Variants in PDCD1LG2 observed in about 807,000 individuals in gnomAD.
PDCD1LG2 encodes B7 dendritic cell molecule.
In PDCD1LG2, 32 loss-of-function variants were observed where a neutral mutation model predicts 28.2. That is an observed-to-expected ratio of 1.13 (90% CI 0.86 to 1.52). PDCD1LG2 has a LOEUF of 1.52. Ranked by LOEUF, PDCD1LG2 falls within the 40% of genes most tolerant of loss-of-function variation. The pLI is 0.00. For missense variants in PDCD1LG2, 385 were observed against 323.8 expected (o/e 1.19, Z -1.45); for synonymous variants, 116 against 120.2 (o/e 0.97, Z 0.23).
intron 2 of PDCD1LG2, among the ~76,000 whole-genome samples, chr9:5,525,927 A>G (rs908516382): frequency 2.0e-5 from 3 of 151,946 alleles, no homozygotes; most frequent in Admixed American, 6.6e-5. Context: ...CAAGCCTGTA[A>G]TCCCAGCTAC....
intron 4 of PDCD1LG2, 64 bp from the exon 5 acceptor site, chr9:5,557,554 C>G (rs2129919538): frequency 6.3e-7 from 1 of 1,577,194 alleles, no homozygotes; most frequent in African/African-American, 1.3e-5. Context: ...ACTCATGTGG[C>G]CAGCCTGTTG....
intron 1 of PDCD1LG2, among the ~76,000 whole-genome samples, chr9:5,516,287 G>A (rs1449202425): frequency 6.6e-6 from 1 of 152,174 alleles, no homozygotes; most frequent in East Asian, 1.9e-4. Flanking sequence ...TCCTGACCTC[G>A]TGATTTTCCT....
intron 1 of PDCD1LG2, among the ~76,000 whole-genome samples, chr9:5,512,017 C>A (rs1054327574): frequency 6.6e-6 from 1 of 152,046 alleles, no homozygotes; most frequent in Non-Finnish European, 1.5e-5. Flanking sequence ...ATGAAATGTT[C>A]GTGTAATGGA....
At chr9:5,559,180 C>T (rs973589774) in intron 5 of PDCD1LG2, among the ~76,000 whole-genome samples, 1 of 152,210 alleles carries the variant, frequency 6.6e-6, no homozygotes, top group African/African-American at 2.4e-5. Context: ...TCACCCCAAT[C>T]TTAAGAGTGA....
Position 5,570,152 on chromosome 9 carries a change from T to C in PDCD1LG2, c.*193T>C, listed in dbSNP as rs1816743731. On this transcript the variant is annotated 3_prime_UTR_variant, in exon 7 of 7. Coordinates refer to ENST00000397747, the MANE Select transcript of PDCD1LG2 (RefSeq NM_025239.4). The stretch of plus-strand genomic sequence containing the variant: ...GCCATGAAACTTGCCCCTTCACTGA[T>C]CTGGACTCACCTCTGGAGCCTATGG... 1 of 705,964 alleles carries C rather than the reference T, an allele frequency of 1.4e-6. No homozygotes were observed. Among genetic ancestry groups the C allele is most frequent in the African/African-American group, 1.8e-5 (1 of 56,570 alleles). 43.7% of individuals were successfully genotyped at this position (705,964 alleles called of 1,614,324 possible). A position where few individuals can be genotyped will look rare whatever the true frequency, so the allele number is the denominator to read the frequency against.
chr9:5,520,785 T>C (rs191889326), intron 1 of PDCD1LG2, among the ~76,000 whole-genome samples: 37 of 152,324 alleles, frequency 2.4e-4, no homozygotes, highest in East Asian at 1.9e-4. Flanking sequence ...TTCCAAATCA[T>C]ATATTTGATA....
intron 1 of PDCD1LG2, among the ~76,000 whole-genome samples, chr9:5,517,515 T>C (rs578076858): frequency 4.1e-4 from 63 of 152,354 alleles, no homozygotes; most frequent in Middle Eastern, 3.4e-3. Context: ...AGGGGCCTCT[T>C]GTCTTGGCTG....
chr9:5,548,232 A>T (rs765185127), intron 3 of PDCD1LG2, among the ~76,000 whole-genome samples: 3 of 152,326 alleles, frequency 2.0e-5, no homozygotes, highest in Non-Finnish European at 4.4e-5. Context: ...AGATTTCACA[A>T]ATAAATGAGA....
intron 1 of PDCD1LG2, among the ~76,000 whole-genome samples, chr9:5,514,392 A>G (rs1392520740): frequency 1.3e-5 from 2 of 152,226 alleles, no homozygotes; most frequent in African/African-American, 4.8e-5. Flanking sequence ...AACTAGGCCT[A>G]TAGCAACCAA....
In PDCD1LG2 at chr9:5,534,769, A is replaced by G. The variant is rs777689711; in HGVS notation, c.80A>G (p.Lys27Arg). ...GCTTTATTCACAGTGACAGTCCCTA[A>G]GGAACTGTACATAATAGAGCATGGC... is the stretch of plus-strand genomic sequence containing the variant. ...IAALFTVTVPKELYIIEHGSN... is the reference protein window; with the variant it reads ...IAALFTVTVPRELYIIEHGSN... Residue 27 changes from lysine to arginine, a missense_variant, in exon 3 of 7, where the codon AAG becomes AGG. By Grantham distance (26) the Lys-to-Arg change is conservative. Transcript: ENST00000397747. 45 of 1,611,046 alleles carry G rather than the reference A, an allele frequency of 2.8e-5. No individual in the cohort carries two copies. The highest frequency in any genetic ancestry group is 3.7e-5 in the Non-Finnish European group (43 of 1,177,754).
At chr9:5,561,238 T>C (rs191480393) in intron 5 of PDCD1LG2, among the ~76,000 whole-genome samples, 4 of 152,368 alleles carry the variant, frequency 2.6e-5, no homozygotes, top group Admixed American at 2.0e-4. Flanking sequence ...AATAGCCATG[T>C]ACAGATAATT....
intron 2 of PDCD1LG2, 59 bp downstream of exon 2, chr9:5,522,660 A>G (rs1227350362): frequency 6.5e-7 from 1 of 1,526,864 alleles, no homozygotes; most frequent in East Asian, 2.3e-5. Context: ...TTCCTAGCCA[A>G]AGCCAAAAAT....
In PDCD1LG2 at chr9:5,522,610, G is replaced by A. The variant is rs2129726789; in HGVS notation, c.55+9G>A. On this transcript the variant is annotated intron_variant, in intron 2 of 6. Transcript: ENST00000397747. ...GCTTCACCAGATAGCAGGTAAGAAAGGACAAAGGGAGAGGCTTAAGAAAGA... is the reference window on the plus strand; with the variant it reads ...GCTTCACCAGATAGCAGGTAAGAAAAGACAAAGGGAGAGGCTTAAGAAAGA... The A allele has an allele frequency of 6.2e-7, 1 of 1,612,646 alleles. No homozygotes were observed. The highest frequency in any genetic ancestry group is 8.5e-7 in the Non-Finnish European group (1 of 1,178,898).
chr9:5,552,175 G>A (rs989029867), intron 4 of PDCD1LG2, among the ~76,000 whole-genome samples: 2 of 152,102 alleles, frequency 1.3e-5, no homozygotes, highest in Non-Finnish European at 2.9e-5. Flanking sequence ...GTGAATCAGC[G>A]GACCCCTGAG....
rs577947677 is a variant in PDCD1LG2 at position 5,528,578 on chromosome 9, T to C, written c.55+5977T>C. ...CCTCAGCCTCCCAAAATGCTGGGAT[T>C]ACAGGCATAAGCCACTGCACCTGGC... is the stretch of plus-strand genomic sequence containing the variant. On this transcript the variant is annotated intron_variant, in intron 2 of 6. Transcript: ENST00000397747. Among the ~76,000 whole-genome samples the C allele has an allele frequency of 2.0e-5, 3 of 152,236 alleles. No individual in the cohort carries two copies. The East Asian group carries it at 5.8e-4, about 29-fold the overall frequency.
chr9:5,544,977 T>A (rs776620432), intron 3 of PDCD1LG2, among the ~76,000 whole-genome samples: 16 of 152,190 alleles, frequency 1.1e-4, no homozygotes, highest in Non-Finnish European at 2.2e-4. Flanking sequence ...AAGACTACTA[T>A]CTGGAAATGG....
At chr9:5,516,787 C>T (rs1820173869) in intron 1 of PDCD1LG2, among the ~76,000 whole-genome samples, 1 of 152,248 alleles carries the variant, frequency 6.6e-6, no homozygotes, top group African/African-American at 2.4e-5. Flanking sequence ...GGCTTGGCCA[C>T]AACTTTGCTT....
chr9:5,558,334 C>T (rs1335876271), intron 5 of PDCD1LG2, among the ~76,000 whole-genome samples: 3 of 152,232 alleles, frequency 2.0e-5, no homozygotes, highest in African/African-American at 7.2e-5. Flanking sequence ...TACCAACACA[C>T]TCCTGTTCTG....
Position 5,561,712 on chromosome 9 carries a change from C to G in PDCD1LG2, c.767-1450C>G, listed in dbSNP as rs1187964842. Among the ~76,000 whole-genome samples, 5 of 152,190 alleles carry G rather than the reference C, an allele frequency of 3.3e-5. No homozygotes were observed. The East Asian group carries it at 9.6e-4, about 29-fold the overall frequency. The stretch of plus-strand genomic sequence containing the variant: ...TCTTCAGAACAGTGTTTCTTAAACT[C>G]TCTTGTGAAGGAACAGTTATCATCA... On this transcript the variant is annotated intron_variant, in intron 5 of 6. Transcript: ENST00000397747.
Sources: allele counts gnomAD v4.1 joint callset (sites outside exome capture counted in the v4.1 genomes callset), GRCh38; gene constraint gnomAD v4.1.1; transcripts MANE v1.5; gene names NCBI Gene and HGNC (gene_info 2026-07-23, HGNC 2026-07-21).